Variants in SNX16 observed in about 807,000 individuals in gnomAD.
SNX16 encodes sorting nexin 16.
SNX16 carries 35 observed loss-of-function variants against 36.7 expected under a neutral mutation model. That is an observed-to-expected ratio of 0.95 (90% confidence interval 0.73 to 1.27). SNX16 has a LOEUF of 1.27. Among genes scored for constraint, SNX16 ranks in the 50% most tolerant of loss-of-function variants. The pLI is 0.00. For synonymous variants in SNX16, 134 were observed against 132.0 expected (o/e 1.02, Z -0.10); for missense variants, 367 against 393.6 (o/e 0.93, Z 0.57).
At position 81,801,470 on chromosome 8, in the gene SNX16, T is replaced by A; in HGVS notation, c.*27A>T. On this transcript the variant is annotated 3_prime_UTR_variant, in exon 8 of 8. Coordinates refer to ENST00000345957, the MANE Select transcript of SNX16 (RefSeq NM_152836.3). Reference sequence around the variant, plus strand: ...CACTCTTCTAAATTTTTGAATAGTCTAAATGGAGGGAACTGCTTGTGATAC... The same window carrying A: ...CACTCTTCTAAATTTTTGAATAGTCAAAATGGAGGGAACTGCTTGTGATAC... The A allele has an allele frequency of 1.4e-6, 2 of 1,399,514 alleles. No homozygotes were observed. The highest frequency in any genetic ancestry group is 2.0e-6 in the Non-Finnish European group (2 of 1,012,882). The allele number at this position is 1,399,514 out of a possible 1,614,324, so 86.7% of individuals were successfully genotyped here.
intron 4 of SNX16, among the ~76,000 whole-genome samples, chr8:81,817,269 TTACTC>T (rs1409791493): frequency 1.3e-5 from 2 of 152,220 alleles, no homozygotes; most frequent in Non-Finnish European, 2.9e-5. Flanking sequence ...TGTTTACAAA[TTACTC>T]TACTGGACTG....
At chr8:81,806,557 C>G (rs996156414) in intron 5 of SNX16, among the ~76,000 whole-genome samples, 3 of 152,070 alleles carry the variant, frequency 2.0e-5, no homozygotes, top group Non-Finnish European at 4.4e-5. Context: ...CAACTACCAC[C>G]AGCCTATAGA....
chr8:81,828,394 T>C (rs986236718), intron 3 of SNX16, among the ~76,000 whole-genome samples: 3 of 151,972 alleles, frequency 2.0e-5, no homozygotes, highest in Admixed American at 6.5e-5. Context: ...TGATATTAAG[T>C]GTTTTCCAGG....
chr8:81,807,743 T>G, intron 5 of SNX16: 1 of 646,290 alleles, frequency 1.5e-6, no homozygotes, highest in Non-Finnish European at 2.8e-6. Context: ...CGAAGAAGCA[T>G]TGTTAAAGTC....
intron 5 of SNX16, chr8:81,808,375 T>C: frequency 7.7e-7 from 1 of 1,297,508 alleles, no homozygotes. Context: ...TCTGGAAACT[T>C]TGGTGGTGGT....
chr8:81,840,421 C>G (rs561589305), intron 1 of SNX16: 160 of 159,156 alleles, frequency 1.0e-3, no homozygotes, highest in Non-Finnish European at 1.8e-3. Context: ...AAGCTTTATT[C>G]CATGCTTATC....
rs765189470 is a variant in SNX16, at chr8:81,802,509, T to A, written c.819-10A>T. On this transcript the variant is annotated splice_polypyrimidine_tract_variant and intron_variant, in intron 6 of 7. Transcript: ENST00000345957. ...TTCTAAAGACAATGTTCTAAAAGTA[T>A]GTTATAGCAACAAGTTATTTTCTAT... 13 of 1,598,560 alleles carry A rather than the reference T, an allele frequency of 8.1e-6. No individual in the cohort carries two copies. The highest frequency in any genetic ancestry group is 5.1e-6 in the Non-Finnish European group (6 of 1,172,956).
chr8:81,842,057 G>C (rs1811820635), intron 1 of SNX16, 65 bp downstream of exon 1: 1 of 152,014 alleles, frequency 6.6e-6, no homozygotes, highest in Non-Finnish European at 1.5e-5. Context: ...CAAGGTTGCA[G>C]GTGTCACCCG....
intron 5 of SNX16, among the ~76,000 whole-genome samples, chr8:81,813,130 C>T (rs949017435): frequency 8.6e-5 from 13 of 151,864 alleles, no homozygotes; most frequent in South Asian, 6.2e-4. Context: ...CCCAATTACA[C>T]GCTATGTAGA....
chr8:81,838,307 A>ATC (rs1016671102), intron 2 of SNX16, among the ~76,000 whole-genome samples: 21 of 152,160 alleles, frequency 1.4e-4, no homozygotes, highest in African/African-American at 4.8e-4. Context: ...TAATCTATAG[A>ATC]TCTAACAAAA....
chr8:81,838,296 T>A (rs1471487752), intron 2 of SNX16, among the ~76,000 whole-genome samples: 1 of 152,094 alleles, frequency 6.6e-6, no homozygotes, highest in African/African-American at 2.4e-5. Context: ...TCTCCCCAGA[T>A]TAATCTATAG....
chr8:81,835,374 A>C (rs1007670290), intron 2 of SNX16, among the ~76,000 whole-genome samples: 3 of 152,176 alleles, frequency 2.0e-5, no homozygotes, highest in African/African-American at 7.2e-5. Context: ...TGTCTTGGGG[A>C]TTAACATTGG....
intron 5 of SNX16, among the ~76,000 whole-genome samples, chr8:81,809,088 G>A (rs913475437): frequency 1.3e-5 from 2 of 151,620 alleles, no homozygotes; most frequent in African/African-American, 4.9e-5. Context: ...TGTAAAGTTA[G>A]TCTACTCTGA....
chr8:81,809,035 T>C (rs532891571), intron 5 of SNX16, among the ~76,000 whole-genome samples: 3 of 152,122 alleles, frequency 2.0e-5, no homozygotes, highest in South Asian at 2.1e-4. Context: ...AATGTAATAG[T>C]CTGATTGTGA....
At chr8:81,836,947 C>T (rs1456972891) in intron 2 of SNX16, among the ~76,000 whole-genome samples, 2 of 152,178 alleles carry the variant, frequency 1.3e-5, no homozygotes, top group African/African-American at 2.4e-5. Context: ...TTCCCTACAC[C>T]TCCCACAGCT....
intron 5 of SNX16, among the ~76,000 whole-genome samples, chr8:81,810,860 C>A (rs539788515): frequency 1.3e-5 from 2 of 152,086 alleles, no homozygotes; most frequent in Admixed American, 1.3e-4. Flanking sequence ...AGTTATCCAG[C>A]CCTAAATGCC....
intron 5 of SNX16, among the ~76,000 whole-genome samples, chr8:81,814,344 T>C (rs182698189): frequency 1.1e-3 from 171 of 152,154 alleles, no homozygotes; most frequent in African/African-American, 3.9e-3. Context: ...AGGCAGACTG[T>C]ATATATAAAA....
At position 81,839,898 on chromosome 8, in the gene SNX16, AAAG is replaced by A. The variant is rs767794082; in HGVS notation, c.86_88del (p.Ser29del). On this transcript the variant is annotated inframe_deletion, in exon 2 of 8. Coordinates refer to ENST00000345957, the MANE Select transcript of SNX16 (RefSeq NM_152836.3). ...ATTTGAGCTTGTTGAGACACTGCCA[AAAG>A]AAGAACTTCTTTGATTTCTGTTTGT... 11 of 1,613,864 alleles carry A rather than the reference AAAG, an allele frequency of 6.8e-6. No homozygotes were observed. In the Admixed American group the frequency reaches 8.3e-5, roughly 12 times the overall value.
intron 5 of SNX16, among the ~76,000 whole-genome samples, chr8:81,813,702 TA>T (rs1810361835): frequency 6.6e-6 from 1 of 151,888 alleles, no homozygotes. Flanking sequence ...GATTAATATC[TA>T]AAGTAAAGAT....
Sources: gnomAD v4.1 joint callset for allele counts (sites outside exome capture counted in the v4.1 genomes callset) on GRCh38, gnomAD v4.1.1 for gene constraint, MANE v1.5 for transcripts, NCBI Gene and HGNC (gene_info 2026-07-23, HGNC 2026-07-21) for gene names.